Variants in PSD3 observed in about 807,000 individuals in gnomAD.
PSD3 encodes PH and SEC7 domain-containing protein 3.
Under a neutral mutation model 105.5 loss-of-function variants are expected in PSD3, and 49 were observed. That is an observed-to-expected ratio of 0.46 (90% confidence interval 0.37 to 0.59). PSD3 has a LOEUF of 0.59. PSD3 is among the 20% of genes least tolerant of loss of function. The pLI is 0.00. For missense variants in PSD3, 1,561 were observed against 1,263.8 expected (o/e 1.24, Z -3.57); for synonymous variants, 557 against 457.8 (o/e 1.22, Z -2.77).
At chr8:18,861,162 G>A (rs1392422220) in intron 4 of PSD3, among the ~76,000 whole-genome samples, 1 of 152,180 alleles carries the variant, frequency 6.6e-6, no homozygotes, top group Non-Finnish European at 1.5e-5. Flanking sequence ...GAAGGGCACT[G>A]AAAGAACAAC....
chr8:18,668,441 T>C (rs886735975), intron 9 of PSD3, among the ~76,000 whole-genome samples: 19 of 152,322 alleles, frequency 1.2e-4, no homozygotes, highest in African/African-American at 4.6e-4. Context: ...GGCCCCACTA[T>C]GTGATACTGC....
intron 1 of PSD3, among the ~76,000 whole-genome samples, chr8:18,941,189 A>G (rs145759967): frequency 0.011 from 1,691 of 152,356 alleles, 19 homozygotes; most frequent in South Asian, 0.04. Context: ...TTTTACGAAC[A>G]TAAATCTCCT....
At chr8:18,989,929 G>A (rs1177092294) in intron 1 of PSD3, among the ~76,000 whole-genome samples, 1 of 152,122 alleles carries the variant, frequency 6.6e-6, no homozygotes, top group Non-Finnish European at 1.5e-5. Flanking sequence ...TATCCAACAA[G>A]AGTGCTACAT....
At chr8:18,726,260 T>G (rs976721942) in intron 9 of PSD3, among the ~76,000 whole-genome samples, 1 of 152,220 alleles carries the variant, frequency 6.6e-6, no homozygotes, top group African/African-American at 2.4e-5. Flanking sequence ...ATCGATGAGC[T>G]AGTGAGATAT....
Position 19,046,934 on chromosome 8 carries a change from A to G in PSD3, c.324+37272T>C, listed in dbSNP as rs563967351. ...CATCTCAGGTGAACACTTGTCTCTC[A>G]TCAAGAGTGGGTTGTACCATATACT... On this transcript the variant is annotated intron_variant, in intron 1 of 1. Transcript: ENST00000521475. 3.3e-5 allele frequency among the ~76,000 whole-genome samples: 5 copies of G among 152,226 alleles called. No individual in the cohort carries two copies. In the East Asian group the frequency reaches 7.7e-4, roughly 23 times the overall value.
chr8:18,957,666 C>A (rs534311536), intron 1 of PSD3, among the ~76,000 whole-genome samples: 1 of 152,346 alleles, frequency 6.6e-6, no homozygotes, highest in South Asian at 2.1e-4. Flanking sequence ...GCCTCAGTAC[C>A]TTATGTCTGG....
intron 9 of PSD3, among the ~76,000 whole-genome samples, chr8:18,726,085 C>G (rs1180959376): frequency 6.6e-6 from 1 of 152,150 alleles, no homozygotes; most frequent in South Asian, 2.1e-4. Flanking sequence ...TATTGAAAGA[C>G]AGAAGACAAA....
chr8:18,709,642 C>T (rs967292380), intron 9 of PSD3, among the ~76,000 whole-genome samples: 1 of 152,222 alleles, frequency 6.6e-6, no homozygotes, highest in African/African-American at 2.4e-5. Flanking sequence ...GAGAAACAAA[C>T]AGGCAACCAT....
At chr8:18,778,700 C>A (rs1422914098) in intron 8 of PSD3, among the ~76,000 whole-genome samples, 1 of 151,380 alleles carries the variant, frequency 6.6e-6, no homozygotes, top group African/African-American at 2.4e-5. Flanking sequence ...ATTTGAGATG[C>A]AAAAATATAT....
At chr8:18,957,637 G>C (rs1463784325) in intron 1 of PSD3, among the ~76,000 whole-genome samples, 1 of 152,170 alleles carries the variant, frequency 6.6e-6, no homozygotes, top group Non-Finnish European at 1.5e-5. Flanking sequence ...AAAGACTCAG[G>C]AATAAGGTAG....
chr8:18,557,824 T>C (rs1801169908), intron 14 of PSD3, among the ~76,000 whole-genome samples: 1 of 152,236 alleles, frequency 6.6e-6, no homozygotes, highest in South Asian at 2.1e-4. Flanking sequence ...TACAAGTTCT[T>C]ACTCATCTAT....
At chr8:18,801,461 T>C (rs965945513) in intron 6 of PSD3, 79 bp from the exon 7 acceptor site, 5 of 767,042 alleles carry the variant, frequency 6.5e-6, no homozygotes, top group African/African-American at 5.3e-5. Context: ...AGTCAATTTA[T>C]ATAAACCTAA....
At chr8:18,901,705 A>G (rs765669213) in intron 2 of PSD3, among the ~76,000 whole-genome samples, 9 of 152,108 alleles carry the variant, frequency 5.9e-5, no homozygotes, top group Non-Finnish European at 1.2e-4. Flanking sequence ...CACTTTTTGT[A>G]AGGTTGGCCT....
intron 4 of PSD3, among the ~76,000 whole-genome samples, chr8:18,831,429 A>G (rs930854434): frequency 6.6e-5 from 10 of 152,208 alleles, no homozygotes; most frequent in Admixed American, 2.6e-4. Context: ...CCTCAGTTCA[A>G]CATGACATCA....
rs956388678 is a variant in PSD3 at position 18,994,030 on chromosome 8, C to T, written c.21+19533G>A. On this transcript the variant is annotated intron_variant, in intron 1 of 15. Transcript: ENST00000327040. ...AGTTGAAGGGAGTGAGCTCTGGAAC[C>T]GGACTGACTAGAGTTCCGTATCCTA... Among the ~76,000 whole-genome samples the T allele has an allele frequency of 1.7e-4, 26 of 151,882 alleles. 1 individual carries two copies. Among genetic ancestry groups the T allele is most frequent in the Middle Eastern group, 3.2e-3 (1 of 314 alleles).
Position 18,753,480 on chromosome 8 carries a change from A to C in PSD3, c.2172+11969T>G, listed in dbSNP as rs557359043. On this transcript the variant is annotated intron_variant, in intron 9 of 15. Coordinates refer to ENST00000327040, the MANE Select transcript of PSD3 (RefSeq NM_015310.4). ...AAATACTTCCTTGCAAGATCTGGAT[A>C]ATGTGGCTTCTGGCGTTTCTGCAAA... is the stretch of plus-strand genomic sequence containing the variant. Among the ~76,000 whole-genome samples the C allele has an allele frequency of 2.0e-5, 3 of 152,292 alleles. No individual in the cohort carries two copies. In the South Asian group the frequency reaches 6.2e-4, roughly 32 times the overall value.
At chr8:19,009,204 C>G (rs1187606031) in intron 1 of PSD3, among the ~76,000 whole-genome samples, 5 of 152,122 alleles carry the variant, frequency 3.3e-5, no homozygotes, top group Non-Finnish European at 5.9e-5. Context: ...CAAATCTGGT[C>G]CCACTATTAA....
rs532692882 is a variant in PSD3, at chr8:18,680,701, GA to G, written c.2173-25017del. 7.0e-3 allele frequency among the ~76,000 whole-genome samples: 1,068 copies of G among 152,130 alleles called. 8 individuals carry two copies. The highest frequency in any genetic ancestry group is 0.034 in the Middle Eastern group (10 of 294). ...TGGTAAGATTTAAACACAGAATAAA[GA>G]AAAAAAGTCAACACGGAGAAGGGGG... On this transcript the variant is annotated intron_variant, in intron 9 of 15. Transcript: ENST00000327040.
At chr8:18,753,239 A>G (rs1043898576) in intron 9 of PSD3, among the ~76,000 whole-genome samples, 3 of 151,968 alleles carry the variant, frequency 2.0e-5, no homozygotes, top group African/African-American at 7.2e-5. Context: ...CCTTAGTCCC[A>G]GCTACTCAGG....
Sources: gnomAD v4.1 joint callset for allele counts (sites outside exome capture counted in the v4.1 genomes callset) on GRCh38, gnomAD v4.1.1 for gene constraint, MANE v1.5 for transcripts, NCBI Gene and HGNC (gene_info 2026-07-23, HGNC 2026-07-21) for gene names.